CRPPA: variants seen among roughly 807,000 people sequenced by gnomAD.
The protein encoded by CRPPA is D-ribitol-5-phosphate cytidylyltransferase.
A neutral mutation model predicts 52.0 loss-of-function variants in CRPPA; 43 were observed. The ratio of observed to expected loss-of-function variants is 0.83; its 90% CI spans 0.65 to 1.07. The LOEUF is 1.07. Among genes scored for constraint, CRPPA ranks in the 50% least tolerant of loss-of-function variants. The probability of loss-of-function intolerance (pLI) is 0.00; values close to 1 mark genes in which losing one functional copy is unlikely to be tolerated. For missense variants in CRPPA, 629 were observed against 551.7 expected (o/e 1.14, Z -1.40); for synonymous variants, 250 against 203.5 (o/e 1.23, Z -1.94).
At chr7:16,109,179 A>C (rs1398768924) in intron 9 of CRPPA, among the ~76,000 whole-genome samples, 2 of 151,790 alleles carry the variant, frequency 1.3e-5, no homozygotes, top group Non-Finnish European at 2.9e-5. Flanking sequence ...ACCTTTAGGC[A>C]GAGTAAGAGA....
At chr7:16,232,504 C>A (rs903429174) in intron 8 of CRPPA, among the ~76,000 whole-genome samples, 1 of 152,118 alleles carries the variant, frequency 6.6e-6, no homozygotes, top group African/African-American at 2.4e-5. Context: ...CTTGGACTTG[C>A]CAGTCTCCAG....
chr7:16,276,735 A>G (rs1784210566), intron 6 of CRPPA: 3 of 152,240 alleles, frequency 2.0e-5, no homozygotes, highest in Non-Finnish European at 4.4e-5. Flanking sequence ...ATTTACTTAT[A>G]TGACTAAGAA....
intron 9 of CRPPA, among the ~76,000 whole-genome samples, chr7:16,187,368 T>C (rs560767567): frequency 1.3e-5 from 2 of 152,328 alleles, no homozygotes; most frequent in East Asian, 1.9e-4. Flanking sequence ...TGTAACAATA[T>C]GTATATTTAC....
At position 16,172,206 on chromosome 7, in the gene CRPPA, C is replaced by T. The variant is rs190699685; in HGVS notation, c.1251+43860G>A. 2.9e-3 allele frequency among the ~76,000 whole-genome samples: 443 copies of T among 152,256 alleles called. 3 individuals are homozygous for T. Among genetic ancestry groups the T allele is most frequent in the African/African-American group, 0.01 (426 of 41,548 alleles). On this transcript the variant is annotated intron_variant, in intron 9 of 9. Coordinates refer to ENST00000407010, the MANE Select transcript of CRPPA (RefSeq NM_001101426.4). ...GAGACACTGCAGAGTTTCCCCTTTG[C>T]CATCATACAAGAAGACTGAGCAAAG...
At chr7:16,179,175 T>C (rs2128387171) in intron 9 of CRPPA, among the ~76,000 whole-genome samples, 2 of 152,266 alleles carry the variant, frequency 1.3e-5, no homozygotes, top group Middle Eastern at 3.4e-3. Flanking sequence ...TCAAGTATTT[T>C]TTGTCCTGCT....
intron 9 of CRPPA, among the ~76,000 whole-genome samples, chr7:16,135,385 T>C (rs1782745080): frequency 6.6e-6 from 1 of 152,172 alleles, no homozygotes; most frequent in Admixed American, 6.5e-5. Flanking sequence ...TTATGCCTTA[T>C]AATTATGTTA....
chr7:16,360,125 C>T lies in CRPPA; in HGVS notation c.684+15967G>A, dbSNP rs74389989. Among the ~76,000 whole-genome samples the T allele has an allele frequency of 5.9e-3, 899 of 152,290 alleles. 8 individuals are homozygous for T. The highest frequency in any genetic ancestry group is 0.02 in the African/African-American group (828 of 41,556). ...ACGTCTTGTTAAGACATGATTCCTA[C>T]GGAACAAGTGTGAACTAGGATAAAA... On this transcript the variant is annotated intron_variant, in intron 3 of 9. Coordinates refer to ENST00000407010, the MANE Select transcript of CRPPA (RefSeq NM_001101426.4).
intron 8 of CRPPA, among the ~76,000 whole-genome samples, chr7:16,224,319 T>G (rs751392066): frequency 2.6e-5 from 4 of 152,166 alleles, no homozygotes; most frequent in African/African-American, 4.8e-5. Context: ...ATACATTAAT[T>G]AAAGGACTAT....
At chr7:16,313,461 G>T (rs1785079127) in intron 3 of CRPPA, among the ~76,000 whole-genome samples, 1 of 151,736 alleles carries the variant, frequency 6.6e-6, no homozygotes, top group South Asian at 2.1e-4. Flanking sequence ...TAGCCTGGCT[G>T]ATTTATTTTA....
chr7:16,363,429 A>C (rs1176597507), intron 3 of CRPPA, among the ~76,000 whole-genome samples: 1 of 152,236 alleles, frequency 6.6e-6, no homozygotes, highest in Non-Finnish European at 1.5e-5. Flanking sequence ...AGAATCACAA[A>C]GATAGCATTA....
intron 2 of CRPPA, among the ~76,000 whole-genome samples, chr7:16,378,611 T>C (rs1482339156): frequency 6.6e-6 from 1 of 152,050 alleles, no homozygotes; most frequent in Non-Finnish European, 1.5e-5. Flanking sequence ...TTTATAGTCC[T>C]TTGGGTATAT....
intron 9 of CRPPA, among the ~76,000 whole-genome samples, chr7:16,202,761 T>C (rs1781887916): frequency 6.6e-6 from 1 of 152,200 alleles, no homozygotes; most frequent in Non-Finnish European, 1.5e-5. Context: ...AGCATTATGA[T>C]GAAAACAGTA....
chr7:16,373,251 G>A (rs1186374850), intron 3 of CRPPA, among the ~76,000 whole-genome samples: 1 of 151,948 alleles, frequency 6.6e-6, no homozygotes, highest in Non-Finnish European at 1.5e-5. Context: ...AGCCAAGACT[G>A]TACCATTGCA....
intron 9 of CRPPA, among the ~76,000 whole-genome samples, chr7:16,135,999 C>T (rs1258837711): frequency 6.6e-6 from 1 of 152,074 alleles, no homozygotes; most frequent in Non-Finnish European, 1.5e-5. Flanking sequence ...AAGTAGAGAG[C>T]CATGTTGCTT....
intron 9 of CRPPA, among the ~76,000 whole-genome samples, chr7:16,096,374 C>A (rs1781935165): frequency 6.6e-6 from 1 of 151,800 alleles, no homozygotes; most frequent in Non-Finnish European, 1.5e-5. Context: ...TTCAAAATAA[C>A]TATGCCTAAG....
intron 3 of CRPPA, among the ~76,000 whole-genome samples, chr7:16,324,923 T>G (rs1785347717): frequency 6.6e-6 from 1 of 152,240 alleles, no homozygotes; most frequent in African/African-American, 2.4e-5. Flanking sequence ...TCATCCTTTT[T>G]TAAGGAAATG....
At chr7:16,400,788 A>C (rs1326069891) in intron 2 of CRPPA, among the ~76,000 whole-genome samples, 3 of 152,232 alleles carry the variant, frequency 2.0e-5, no homozygotes, top group Non-Finnish European at 4.4e-5. Context: ...ACACATGCCC[A>C]ACATATGCCC....
chr7:16,408,075 T>C (rs1423186993), intron 1 of CRPPA, among the ~76,000 whole-genome samples: 2 of 148,394 alleles, frequency 1.3e-5, no homozygotes, highest in Non-Finnish European at 3.0e-5. Flanking sequence ...GCCACTGTAC[T>C]CTAGCCTGGG....
intron 9 of CRPPA, among the ~76,000 whole-genome samples, chr7:16,169,366 A>T (rs1403277484): frequency 6.6e-6 from 1 of 152,246 alleles, no homozygotes; most frequent in Non-Finnish European, 1.5e-5. Context: ...CTCCAGCTAT[A>T]CATTTGTTTA....
Sources: gnomAD v4.1 joint callset for allele counts (sites outside exome capture counted in the v4.1 genomes callset) on GRCh38, gnomAD v4.1.1 for gene constraint, MANE v1.5 for transcripts, NCBI Gene and HGNC (gene_info 2026-07-23, HGNC 2026-07-21) for gene names.